RNF168: variants seen among roughly 807,000 people sequenced by gnomAD.
The protein encoded by RNF168 is E3 ubiquitin-protein ligase RNF168.
RNF168 carries 34 observed loss-of-function variants against 34.9 expected under a neutral mutation model. The ratio of observed to expected loss-of-function variants is 0.97; its 90% CI spans 0.74 to 1.30. RNF168 has a LOEUF of 1.30. Among genes scored for constraint, RNF168 ranks in the 50% most tolerant of loss-of-function variants. The pLI is 0.00. For synonymous variants in RNF168, 264 were observed against 254.7 expected, an observed-to-expected ratio of 1.04 and a Z score of -0.35; for missense variants, 725 against 682.5, an observed-to-expected ratio of 1.06 and a Z score of -0.69.
At chr3:196,484,022 C>G (rs930415972) in intron 3 of RNF168, 131 bp from the exon 4 acceptor site, 3 of 734,796 alleles carry the variant, frequency 4.1e-6, no homozygotes, top group Non-Finnish European at 7.1e-6. Flanking sequence ...TTCTGTACAT[C>G]TCTTGAAGAA....
In RNF168 at chr3:196,472,350, A is replaced by C; in HGVS notation, c.1185T>G (p.Phe395Leu). The change falls in exon 6 of 6, where the codon TTT becomes TTG. Residue 395 changes from phenylalanine to leucine, a missense_variant. Coordinates refer to ENST00000318037, the MANE Select transcript of RNF168 (RefSeq NM_152617.4). ...AAAAGCATGGATCCTTGACTGCTTC[A>C]AAGGAAGATTCTTGGTTTTTTCTTT... ...ISKRKNQESSFEAVKDPCFSA... is the reference protein window; with the variant it reads ...ISKRKNQESSLEAVKDPCFSA... 1 of 1,614,044 alleles carries C rather than the reference A, an allele frequency of 6.2e-7. No individual in the cohort carries two copies. Among genetic ancestry groups the C allele is most frequent in the South Asian group, 1.1e-5 (1 of 91,064 alleles).
At chr3:196,497,855 T>C (rs1340083690) in intron 1 of RNF168, among the ~76,000 whole-genome samples, 1 of 151,656 alleles carries the variant, frequency 6.6e-6, no homozygotes, top group Non-Finnish European at 1.5e-5. Flanking sequence ...AGTACCAGTA[T>C]TCAAAATACA....
intron 1 of RNF168, 45 bp downstream of exon 1, chr3:196,502,828 A>T (rs1732933845): frequency 4.5e-6 from 7 of 1,544,144 alleles, no homozygotes; most frequent in Non-Finnish European, 6.3e-6. Context: ...CACCTTTTCA[A>T]AGACTTGCGG....
intron 1 of RNF168, among the ~76,000 whole-genome samples, chr3:196,496,521 CTTATT>C (rs1295579410): frequency 1.3e-5 from 2 of 152,118 alleles, no homozygotes; most frequent in Non-Finnish European, 2.9e-5. Flanking sequence ...TTCTAATGAC[CTTATT>C]TTAACTTCAT....
At chr3:196,480,389 C>T (rs915955116) in intron 4 of RNF168, among the ~76,000 whole-genome samples, 3 of 152,144 alleles carry the variant, frequency 2.0e-5, no homozygotes, top group African/African-American at 7.2e-5. Context: ...TCATACTATC[C>T]TGAGTTTCTT....
chr3:196,475,999 A>C (rs2108645682), intron 4 of RNF168, among the ~76,000 whole-genome samples: 1 of 151,780 alleles, frequency 6.6e-6, no homozygotes, highest in African/African-American at 2.4e-5. Flanking sequence ...AGCTGGGATT[A>C]CAGGCGCCCG....
At chr3:196,501,861 G>A (rs1017058273) in intron 1 of RNF168, among the ~76,000 whole-genome samples, 3 of 152,102 alleles carry the variant, frequency 2.0e-5, no homozygotes, top group Middle Eastern at 3.4e-3. Flanking sequence ...AAAGCGCTGG[G>A]ATTACAGCTG....
intron 1 of RNF168, among the ~76,000 whole-genome samples, chr3:196,490,123 A>T (rs1485290514): frequency 6.6e-6 from 1 of 152,198 alleles, no homozygotes; most frequent in East Asian, 1.9e-4. Context: ...CCTAAAAGCT[A>T]ATCCAAGGAT....
Position 196,472,117 on chromosome 3 carries a change from T to A in RNF168, c.1418A>T (p.Glu473Val), listed in dbSNP as rs1489994983. 3 of 1,614,030 alleles carry A rather than the reference T, an allele frequency of 1.9e-6. No homozygotes were observed. Among genetic ancestry groups the A allele is most frequent in the East Asian group, 4.5e-5 (2 of 44,892 alleles). Residue 473 changes from glutamate (E) to valine (V), a missense_variant, in exon 6 of 6, where the codon GAG becomes GTG. Coordinates refer to ENST00000318037, the MANE Select transcript of RNF168 (RefSeq NM_152617.4). ...VPNRQKGSPD[E>V]YHLRATSSPP... is the part of the protein sequence containing the mutation. ...GGAGGATGTAGCGCGTAAGTGATAC[T>A]CATCTGGGGATCCTTTTTGCCGGTT... is the stretch of plus-strand genomic sequence containing the variant.
intron 4 of RNF168, among the ~76,000 whole-genome samples, chr3:196,478,352 A>G (rs1044424630): frequency 6.6e-6 from 1 of 152,206 alleles, no homozygotes; most frequent in Non-Finnish European, 1.5e-5. Flanking sequence ...GCTTTGGCCA[A>G]AGGGGGCCAA....
intron 2 of RNF168, 39 bp from the exon 3 acceptor site, chr3:196,487,617 GT>G (rs1180502351): frequency 1.3e-6 from 2 of 1,577,326 alleles, no homozygotes; most frequent in Non-Finnish European, 1.7e-6. Context: ...TTCTCTGAAC[GT>G]TTTGGTATAC....
At chr3:196,478,264 G>T (rs764860127) in intron 4 of RNF168, among the ~76,000 whole-genome samples, 1 of 152,092 alleles carries the variant, frequency 6.6e-6, no homozygotes, top group Non-Finnish European at 1.5e-5. Flanking sequence ...TCAGCCCAAA[G>T]ATTTCTCTGT....
chr3:196,498,492 C>A (rs914041624), intron 1 of RNF168, among the ~76,000 whole-genome samples: 1 of 152,010 alleles, frequency 6.6e-6, no homozygotes, highest in African/African-American at 2.4e-5. Flanking sequence ...ATTCCAGCTC[C>A]TAAGTATTTA....
Position 196,483,799 on chromosome 3 carries a change from G to T in RNF168, c.651C>A (p.Asn217Lys). ...VTPKSEKKSK[N>K]KQRNTGDIQK... is the part of the protein sequence containing the mutation. ...GAATATCTCCAGTGTTTCTTTGTTT[G>T]TTCTTACTTTTCTTTTCAGACTTGG... The change falls in exon 4 of 6, where the codon AAC becomes AAA. Residue 217 changes from asparagine to lysine, a missense_variant. Coordinates refer to ENST00000318037, the MANE Select transcript of RNF168 (RefSeq NM_152617.4). The T allele has an allele frequency of 6.2e-7, 1 of 1,611,486 alleles. No individual in the cohort carries two copies. Among genetic ancestry groups the T allele is most frequent in the Non-Finnish European group, 8.5e-7 (1 of 1,177,748 alleles).
At chr3:196,480,206 AAT>A (rs1377739928) in intron 4 of RNF168, among the ~76,000 whole-genome samples, 5 of 152,142 alleles carry the variant, frequency 3.3e-5, no homozygotes, top group Non-Finnish European at 7.3e-5. Context: ...TGCACTTTAA[AAT>A]ATATGTTTGC....
In RNF168 at chr3:196,488,595, T is replaced by C. The variant is rs1199995619; in HGVS notation, c.378+12A>G. ...AGAAATATTCCAAAAAAAAAAACTA[T>C]TTAGCACCTACCTTGCTTATTTCCT... On this transcript the variant is annotated intron_variant, in intron 2 of 5. Transcript: ENST00000318037. 2 of 1,531,330 alleles carry C rather than the reference T, an allele frequency of 1.3e-6. No individual in the cohort carries two copies. Among genetic ancestry groups the C allele is most frequent in the Non-Finnish European group, 1.8e-6 (2 of 1,106,438 alleles). The allele number at this position is 1,531,330 out of a possible 1,614,324, so 94.9% of individuals were successfully genotyped here. A position where few individuals can be genotyped will look rare whatever the true frequency, so the allele number is the denominator to read the frequency against.
intron 1 of RNF168, among the ~76,000 whole-genome samples, chr3:196,490,057 C>A (rs913365451): frequency 1.3e-5 from 2 of 152,202 alleles, no homozygotes; most frequent in South Asian, 4.1e-4. Flanking sequence ...AACGTCTGCC[C>A]ATCACCAATA....
intron 3 of RNF168, 43 bp from the exon 4 acceptor site, chr3:196,483,934 C>G (rs1560270482): frequency 5.4e-6 from 8 of 1,476,396 alleles, no homozygotes; most frequent in Non-Finnish European, 7.6e-6. Flanking sequence ...TGAGAGAGAA[C>G]TTTATGATAA....
rs1292715637 is a variant in RNF168, at chr3:196,471,254, T to C, written c.*565A>G. 4.3e-5 allele frequency: 5 copies of C among 117,638 alleles called. No homozygotes were observed. The highest frequency in any genetic ancestry group is 1.5e-4 in the African/African-American group (5 of 32,634). 7.3% of individuals were successfully genotyped at this position (117,638 alleles called of 1,614,324 possible). On this transcript the variant is annotated 3_prime_UTR_variant, in exon 6 of 6. Coordinates refer to ENST00000318037, the MANE Select transcript of RNF168 (RefSeq NM_152617.4). ...ATCTGGGATTTCCCACATATGAATA[T>C]GAATCCAAATTTTGAAACTCCGTCT...
Sources: gnomAD v4.1 joint callset for allele counts (sites outside exome capture counted in the v4.1 genomes callset) on GRCh38, gnomAD v4.1.1 for gene constraint, MANE v1.5 for transcripts, NCBI Gene and HGNC (gene_info 2026-07-23, HGNC 2026-07-21) for gene names.